The following EMC2 variants were observed in gnomAD, a reference collection of about 807,000 sequenced individuals.
EMC2 encodes the protein TPR repeat protein 35.
Under a neutral mutation model 51.6 loss-of-function variants are expected in EMC2, and 37 were observed. The ratio of observed to expected loss-of-function variants is 0.72; its 90% CI spans 0.55 to 0.94. The LOEUF (loss-of-function observed/expected upper bound fraction) is 0.94. Ranked by LOEUF, EMC2 falls within the 40% of genes least tolerant of loss-of-function variation. The pLI is 0.00. For synonymous variants in EMC2, 131 were observed against 112.4 expected, an observed-to-expected ratio of 1.17 and a Z score of -1.04; for missense variants, 359 against 350.9, an observed-to-expected ratio of 1.02 and a Z score of -0.18.
In EMC2 at chr8:108,488,695, T is replaced by C. The variant is rs1586198505; in HGVS notation, c.*2097T>C. 6.6e-6 allele frequency among the ~76,000 whole-genome samples: 1 copy of C among 152,132 alleles called. No individual in the cohort carries two copies. Among genetic ancestry groups the C allele is most frequent in the Admixed American group, 6.6e-5 (1 of 15,264 alleles). ...AAAGAGATTAGGACCTTACCCCAACTCCAGAGGTTGCACCTTCATTGATCT... is the reference window on the plus strand; with the variant it reads ...AAAGAGATTAGGACCTTACCCCAACCCCAGAGGTTGCACCTTCATTGATCT... On this transcript the variant is annotated 3_prime_UTR_variant, in exon 11 of 11. Transcript: ENST00000220853.
intron 1 of EMC2, chr8:108,446,269 G>T (rs1479634967): frequency 9.4e-6 from 4 of 425,172 alleles, no homozygotes; most frequent in Admixed American, 2.5e-5. Context: ...ATGAAGTATA[G>T]TTCCAGTCAT....
At chr8:108,457,785 T>C (rs996842970) in intron 5 of EMC2, among the ~76,000 whole-genome samples, 3 of 152,162 alleles carry the variant, frequency 2.0e-5, no homozygotes, top group Non-Finnish European at 4.4e-5. Flanking sequence ...ATTCTGCCCC[T>C]GGCCCCTCCC....
intron 1 of EMC2, among the ~76,000 whole-genome samples, chr8:108,445,211 G>C (rs1174385030): frequency 1.3e-5 from 2 of 152,114 alleles, no homozygotes; most frequent in Non-Finnish European, 2.9e-5. Context: ...AAATTTGTAG[G>C]AACAAAGAAA....
Position 108,460,969 on chromosome 8 carries a change from TC to T in EMC2, c.363+5041del, listed in dbSNP as rs538938601. Among the ~76,000 whole-genome samples the T allele has an allele frequency of 3.3e-5, 5 of 152,340 alleles. No individual in the cohort carries two copies. The South Asian group carries it at 1.0e-3, about 32-fold the overall frequency. ...GTAAGAGTAGAGATACTGTTTCTGT[TC>T]CTATATCCTTAGGAAGCACTGTGCT... On this transcript the variant is annotated intron_variant, in intron 5 of 10. Coordinates refer to ENST00000220853, the MANE Select transcript of EMC2 (RefSeq NM_014673.5).
chr8:108,474,953 TAG>T (rs1810921731), intron 7 of EMC2: 1 of 152,014 alleles, frequency 6.6e-6, no homozygotes, highest in South Asian at 2.1e-4. Flanking sequence ...AAGCTATTAT[TAG>T]TATACATGTG....
chr8:108,456,344 AAAAG>A (rs532456121), intron 5 of EMC2, among the ~76,000 whole-genome samples: 46,249 of 115,170 alleles, frequency 0.4, 10,673 homozygotes, highest in South Asian at 0.5. Context: ...AAAAAAAAAA[AAAAG>A]AAAAAAAAAA....
At chr8:108,465,602 G>A (rs1014936871) in intron 5 of EMC2, among the ~76,000 whole-genome samples, 3 of 152,228 alleles carry the variant, frequency 2.0e-5, no homozygotes, top group South Asian at 4.1e-4. Flanking sequence ...TTTTAGTAGC[G>A]TGTTTTTCAC....
At chr8:108,456,726 G>C (rs1819171423) in intron 5 of EMC2, among the ~76,000 whole-genome samples, 1 of 152,100 alleles carries the variant, frequency 6.6e-6, no homozygotes, top group Non-Finnish European at 1.5e-5. Flanking sequence ...TTTTGATGTT[G>C]AGAACATTAT....
At chr8:108,461,406 A>G (rs1819315980) in intron 5 of EMC2, among the ~76,000 whole-genome samples, 1 of 152,218 alleles carries the variant, frequency 6.6e-6, no homozygotes, top group Non-Finnish European at 1.5e-5. Context: ...GTGAGGTAGC[A>G]TGATGTGATG....
rs920634219 is a variant in EMC2, at chr8:108,487,481, A to G, written c.*883A>G. On this transcript the variant is annotated 3_prime_UTR_variant, in exon 11 of 11. Coordinates refer to ENST00000220853, the MANE Select transcript of EMC2 (RefSeq NM_014673.5). Reference sequence around the variant, plus strand: ...AATTTTTTATTTTTCTCTTTTCATAATAAACAACCATTATGCTACCTTCAA... The same window carrying G: ...AATTTTTTATTTTTCTCTTTTCATAGTAAACAACCATTATGCTACCTTCAA... Among the ~76,000 whole-genome samples the G allele has an allele frequency of 6.6e-6, 1 of 152,008 alleles. No individual in the cohort carries two copies.
chr8:108,455,796 AT>A (rs1819136752), intron 4 of EMC2, 76 bp from the exon 5 acceptor site: 3 of 551,176 alleles, frequency 5.4e-6, no homozygotes, highest in East Asian at 3.7e-5. Context: ...AGCCAGTTTA[AT>A]TTTTTTCTGT....
At chr8:108,470,547 C>T (rs559044177) in intron 7 of EMC2, among the ~76,000 whole-genome samples, 1 of 152,092 alleles carries the variant, frequency 6.6e-6, no homozygotes, top group Non-Finnish European at 1.5e-5. Flanking sequence ...AGCCTTAGTA[C>T]TAAGAGAATC....
At chr8:108,454,351 C>G (rs1169335382) in intron 4 of EMC2, among the ~76,000 whole-genome samples, 1 of 151,996 alleles carries the variant, frequency 6.6e-6, no homozygotes, top group East Asian at 1.9e-4. Context: ...TATTTTCTCT[C>G]TCTCAGTGTA....
chr8:108,455,554 G>C (rs1037891717), intron 4 of EMC2, among the ~76,000 whole-genome samples: 2 of 152,116 alleles, frequency 1.3e-5, no homozygotes, highest in African/African-American at 4.8e-5. Flanking sequence ...ATCTGGTCCT[G>C]ATGCTTGTTC....
chr8:108,476,947 A>T (rs532498083), intron 9 of EMC2, 55 bp downstream of exon 9: 22 of 845,844 alleles, frequency 2.6e-5, no homozygotes, highest in Non-Finnish European at 3.5e-5. Flanking sequence ...CTTAAAATCC[A>T]TTTAACTATC....
At position 108,487,881 on chromosome 8, in the gene EMC2, A is replaced by G. The variant is rs560447505; in HGVS notation, c.*1283A>G. Among the ~76,000 whole-genome samples, 109 of 152,302 alleles carry G rather than the reference A, an allele frequency of 7.2e-4. No homozygotes were observed. The highest frequency in any genetic ancestry group is 3.4e-3 in the Middle Eastern group (1 of 294). On this transcript the variant is annotated 3_prime_UTR_variant, in exon 11 of 11. Coordinates refer to ENST00000220853, the MANE Select transcript of EMC2 (RefSeq NM_014673.5). The stretch of plus-strand genomic sequence containing the variant: ...CACGAGTAATAGGCAGCTGATTAAT[A>G]TATTCTGTGAAAGAACTCTTCTCAT...
chr8:108,460,787 G>A (rs1807853288), intron 5 of EMC2, among the ~76,000 whole-genome samples: 1 of 152,178 alleles, frequency 6.6e-6, no homozygotes, highest in African/African-American at 2.4e-5. Context: ...AAATCCCTTA[G>A]CGGTTAGGTA....
Position 108,470,212 on chromosome 8 carries a change from G to A in EMC2, c.509+91G>A, listed in dbSNP as rs186999797. The A allele has an allele frequency of 2.9e-3, 2,238 of 782,912 alleles. 32 individuals are homozygous for A. Among genetic ancestry groups the A allele is most frequent in the Non-Finnish European group, 5.5e-4 (256 of 466,808 alleles). The allele number at this position is 782,912 out of a possible 1,614,324, so 48.5% of individuals were successfully genotyped here. Reference sequence around the variant, plus strand: ...TGTGGTTTCCAAAGGATTGGTGAGAGGGTGTGAATCATGTCATTTGAAATG... The same window carrying A: ...TGTGGTTTCCAAAGGATTGGTGAGAAGGTGTGAATCATGTCATTTGAAATG... On this transcript the variant is annotated intron_variant, in intron 7 of 10. Coordinates refer to ENST00000220853, the MANE Select transcript of EMC2 (RefSeq NM_014673.5).
At chr8:108,466,268 G>A (rs1789961) in intron 5 of EMC2, among the ~76,000 whole-genome samples, 150,474 of 152,272 alleles carry the variant, frequency 0.99, 74,357 homozygotes, top group Middle Eastern at 1. Flanking sequence ...GTTAATACAC[G>A]TGACAACCAG....
Sources: gnomAD v4.1 joint callset for allele counts (sites outside exome capture counted in the v4.1 genomes callset) on GRCh38, gnomAD v4.1.1 for gene constraint, MANE v1.5 for transcripts, NCBI Gene and HGNC (gene_info 2026-07-23, HGNC 2026-07-21) for gene names.